Variants in LINGO1 observed in about 807,000 individuals in gnomAD.
LINGO1 encodes the protein leucine rich repeat and Ig domain containing 1.
A neutral mutation model predicts 37.3 loss-of-function variants in LINGO1; 11 were observed. The ratio of observed to expected loss-of-function variants is 0.29; its 90% CI spans 0.19 to 0.49. The LOEUF (loss-of-function observed/expected upper bound fraction) is 0.49. LINGO1 is among the 20% of genes least tolerant of loss of function. The pLI is 0.99. For synonymous variants in LINGO1, 387 were observed against 403.0 expected (o/e 0.96, Z 0.48); for missense variants, 585 against 878.2 (o/e 0.67, Z 4.22).
At chr15:77,796,917 G>C (rs2076878594) in intron 1 of LINGO1, among the ~76,000 whole-genome samples, 2 of 152,140 alleles carry the variant, frequency 1.3e-5, no homozygotes, top group African/African-American at 2.4e-5. Flanking sequence ...GCCCAGGCTG[G>C]TCTCAAACTC....
intron 1 of LINGO1, among the ~76,000 whole-genome samples, chr15:77,808,632 C>T (rs1358324196): frequency 6.6e-6 from 1 of 152,174 alleles, no homozygotes; most frequent in African/African-American, 2.4e-5. Flanking sequence ...CAGACACAGC[C>T]TCCTGTAGAA....
At chr15:77,633,117 G>A (rs917029986), upstream of LINGO1, among the ~76,000 whole-genome samples, 32 of 151,928 alleles carry the variant, frequency 2.1e-4, no homozygotes, top group African/African-American at 7.0e-4. Flanking sequence ...AGCGAAACAG[G>A]CAGGGGTGCG....
chr15:77,812,139 C>A (rs534076676), intron 1 of LINGO1, among the ~76,000 whole-genome samples: 1 of 152,198 alleles, frequency 6.6e-6, no homozygotes. Context: ...CATTTAAAAG[C>A]CTTAACACAT....
chr15:77,721,665 C>T (rs919189416), intron 2 of LINGO1, among the ~76,000 whole-genome samples: 1 of 152,312 alleles, frequency 6.6e-6, no homozygotes, highest in East Asian at 1.9e-4. Flanking sequence ...CAGGCCTGCC[C>T]TAAGTCTGAG....
At position 77,669,118 on chromosome 15, in the gene LINGO1, C is replaced by T. The variant is rs547761986; in HGVS notation, c.-13+7971G>A. ...GCAGAAACCTGGGAGGATGTGTGCA[C>T]AGCTTCTGGCCTGGGCCGCCACTGG... On this transcript the variant is annotated intron_variant, in intron 3 of 3. Transcript: ENST00000559893. Among the ~76,000 whole-genome samples, 12 of 152,396 alleles carry T rather than the reference C, an allele frequency of 7.9e-5. No homozygotes were observed. The South Asian group carries it at 1.4e-3, about 18-fold the overall frequency.
At chr15:77,780,802 C>T (rs759620003) in intron 1 of LINGO1, among the ~76,000 whole-genome samples, 2 of 151,298 alleles carry the variant, frequency 1.3e-5, no homozygotes, top group African/African-American at 2.5e-5. Context: ...GAGGACACAG[C>T]AAGAAGGTGG....
intron 1 of LINGO1, among the ~76,000 whole-genome samples, chr15:77,801,263 C>T (rs1416679203): frequency 1.3e-5 from 2 of 152,178 alleles, no homozygotes; most frequent in African/African-American, 2.4e-5. Context: ...TTGGAAATGG[C>T]CTAAACGTTT....
chr15:77,676,656 G>A (rs2075332610), intron 3 of LINGO1, among the ~76,000 whole-genome samples: 1 of 152,164 alleles, frequency 6.6e-6, no homozygotes, highest in Non-Finnish European at 1.5e-5. Flanking sequence ...CACTGCACTG[G>A]GCAGCGGCGG....
At chr15:77,767,131 C>T (rs1319043956) in intron 1 of LINGO1, among the ~76,000 whole-genome samples, 5 of 152,104 alleles carry the variant, frequency 3.3e-5, no homozygotes. Context: ...CAATTTGACC[C>T]TCATCAAGAC....
chr15:77,719,827 CAT>C (rs1253479082), intron 2 of LINGO1, among the ~76,000 whole-genome samples: 8 of 149,382 alleles, frequency 5.4e-5, no homozygotes, highest in African/African-American at 1.5e-4. Flanking sequence ...TTCATACACA[CAT>C]ATGTACTCAC....
At chr15:77,754,251 AG>A (rs1484017704) in intron 1 of LINGO1, among the ~76,000 whole-genome samples, 1 of 107,118 alleles carries the variant, frequency 9.3e-6, no homozygotes, top group Admixed American at 1.1e-4. Flanking sequence ...GGAGGGAGTG[AG>A]GGGGGAAGGG....
At chr15:77,647,858 C>T (rs1225659364) in intron 3 of LINGO1, 1 of 456,624 alleles carries the variant, frequency 2.2e-6, no homozygotes, top group East Asian at 6.9e-5. Flanking sequence ...TGGAAGGGAA[C>T]AGCTGGGCTG....
intron 1 of LINGO1, among the ~76,000 whole-genome samples, chr15:77,758,498 C>G (rs968528602): frequency 3.3e-5 from 5 of 152,082 alleles, no homozygotes; most frequent in African/African-American, 9.7e-5. Context: ...AAGAGAGAGA[C>G]AGCTGTACCT....
At chr15:77,657,517 C>T (rs993448772) in intron 3 of LINGO1, among the ~76,000 whole-genome samples, 1 of 152,312 alleles carries the variant, frequency 6.6e-6, no homozygotes, top group East Asian at 1.9e-4. Context: ...CCAGACATTC[C>T]CATGACTATC....
At chr15:77,645,185 C>T (rs371561654) in intron 3 of LINGO1, among the ~76,000 whole-genome samples, 20 of 152,310 alleles carry the variant, frequency 1.3e-4, no homozygotes, top group African/African-American at 4.1e-4. Context: ...ACACTCAGAA[C>T]GGGCGGTGCA....
upstream of LINGO1, among the ~76,000 whole-genome samples, chr15:77,637,925 G>T (rs1314875054): frequency 6.6e-6 from 1 of 152,190 alleles, no homozygotes; most frequent in Non-Finnish European, 1.5e-5. This position sits in a 1 kb window ranked among gnomAD's most constrained non-coding sequence, Gnocchi z 4.6. Context: ...TAGAGAGGAG[G>T]GCCAGGGCAT....
At chr15:77,744,464 G>A (rs2076293844) in intron 1 of LINGO1, among the ~76,000 whole-genome samples, 1 of 152,138 alleles carries the variant, frequency 6.6e-6, no homozygotes, top group Admixed American at 6.5e-5. Context: ...AGCCCGGGAG[G>A]TTGAGGCTGC....
At chr15:77,715,000 C>T (rs1430297527) in intron 2 of LINGO1, among the ~76,000 whole-genome samples, 4 of 152,234 alleles carry the variant, frequency 2.6e-5, no homozygotes, top group African/African-American at 9.6e-5. Context: ...AAACCAAATA[C>T]TCCAGGGCTG....
intron 2 of LINGO1, among the ~76,000 whole-genome samples, chr15:77,687,831 C>T (rs886865325): frequency 6.6e-6 from 1 of 152,236 alleles, no homozygotes; most frequent in Non-Finnish European, 1.5e-5. Flanking sequence ...AAAATACCTC[C>T]TCCCGTCACA....
Sources: allele counts gnomAD v4.1 joint callset (sites outside exome capture counted in the v4.1 genomes callset), GRCh38; gene constraint gnomAD v4.1.1; non-coding constraint Gnocchi (gnomAD v3.1); transcripts MANE v1.5; gene names NCBI Gene and HGNC (gene_info 2026-07-23, HGNC 2026-07-21).